The following MPHOSPH6 variants were observed in gnomAD, a reference collection of about 807,000 sequenced individuals.
The protein encoded by MPHOSPH6 is M-phase phosphoprotein 6.
MPHOSPH6 carries 25 observed loss-of-function variants against 21.8 expected under a neutral mutation model. That is an observed-to-expected ratio of 1.15 (90% CI 0.83 to 1.60). The LOEUF (loss-of-function observed/expected upper bound fraction) is 1.60. MPHOSPH6 is among the 40% of genes most tolerant of loss of function. MPHOSPH6 has a pLI of 0.00. For synonymous variants in MPHOSPH6, 84 were observed against 56.5 expected, an observed-to-expected ratio of 1.49 and a Z score of -2.18; for missense variants, 269 against 181.8, an observed-to-expected ratio of 1.48 and a Z score of -2.76.
rs76061265 is a variant in MPHOSPH6 at position 82,151,647 on chromosome 16, C to G, written c.165-133G>C. On this transcript the variant is annotated intron_variant, in intron 2 of 4. Coordinates refer to ENST00000258169, the MANE Select transcript of MPHOSPH6 (RefSeq NM_005792.2). ...AGTAAAAATACAGTAAGATTTCTAA[C>G]TTAGGGTTAAAAATAAAATCTGATT... The G allele has an allele frequency of 0.016, 20,196 of 1,262,742 alleles. 180 individuals carry two copies. Among genetic ancestry groups the G allele is most frequent in the Middle Eastern group, 0.02 (67 of 3,294 alleles). 78.2% of individuals were successfully genotyped at this position (1,262,742 alleles called of 1,614,324 possible). A position where few individuals can be genotyped will look rare whatever the true frequency, so the allele number is the denominator to read the frequency against.
Position 82,162,938 on chromosome 16 carries a change from T to G in MPHOSPH6, c.164+1144A>C, listed in dbSNP as rs1020536598. Among the ~76,000 whole-genome samples the G allele has an allele frequency of 6.7e-5, 10 of 148,786 alleles. No homozygotes were observed. In the South Asian group the frequency reaches 1.3e-3, roughly 19 times the overall value. On this transcript the variant is annotated intron_variant, in intron 2 of 4. Transcript: ENST00000258169. ...GGAAGGAACACTTTGGCAAGTTTAC[T>G]TAAGGCATAAAAGTAAATTATAGCT...
At chr16:82,164,511 T>C (rs1047347671) in intron 1 of MPHOSPH6, 13 of 237,676 alleles carry the variant, frequency 5.5e-5, no homozygotes, top group Non-Finnish European at 1.1e-4. Flanking sequence ...TGATCTGGGG[T>C]TGAAATGCCC....
rs1906738515 is a variant in MPHOSPH6, at chr16:82,165,341, G to T, written c.52-1147C>A. ...GGGGTTCACCACTTTGGCCAGGCTG[G>T]TCTCAAACTCCTGACTTTGTGATCC... On this transcript the variant is annotated intron_variant, in intron 1 of 4. Coordinates refer to ENST00000258169, the MANE Select transcript of MPHOSPH6 (RefSeq NM_005792.2). 2.6e-5 allele frequency among the ~76,000 whole-genome samples: 4 copies of T among 151,694 alleles called. No individual in the cohort carries two copies. In the South Asian group the frequency reaches 8.4e-4, roughly 32 times the overall value.
chr16:82,168,128 A>ATTTGT (rs10700667), intron 1 of MPHOSPH6, among the ~76,000 whole-genome samples: 98,513 of 151,482 alleles, frequency 0.65, 34,121 homozygotes, highest in East Asian at 0.78. Flanking sequence ...GGGGGTGGAC[A>ATTTGT]TTTAAGTTAA....
At position 82,148,850 on chromosome 16, in the gene MPHOSPH6, C is replaced by T. The variant is rs1401383088; in HGVS notation, c.364G>A (p.Val122Met). ...GCAAACTTTTTCCCAATTGTCCCCA[C>T]CAAGGTCTCATATCTGTCAAGAGGA... ...EEMARRYETLVGTIGKKFARK... is the reference protein window; with the variant it reads ...EEMARRYETLMGTIGKKFARK... The change falls in exon 5 of 5, where the codon GTG (valine) becomes ATG (methionine). Residue 122 changes from valine (V) to methionine (M), a missense_variant. By Grantham distance (21) the Val-to-Met change is conservative. Coordinates refer to ENST00000258169, the MANE Select transcript of MPHOSPH6 (RefSeq NM_005792.2). The T allele has an allele frequency of 2.5e-6, 4 of 1,613,968 alleles. No homozygotes were observed. In the African/African-American group the frequency reaches 4.0e-5, roughly 16 times the overall value.
intron 2 of MPHOSPH6, among the ~76,000 whole-genome samples, chr16:82,152,929 A>G (rs539334724): frequency 4.6e-4 from 70 of 152,290 alleles, no homozygotes; most frequent in African/African-American, 1.6e-3. Context: ...ATTAAACCAA[A>G]CTGTGTGTAT....
Position 82,151,466 on chromosome 16 carries a change from G to T in MPHOSPH6, c.213C>A (p.Leu71=), listed in dbSNP as rs764582347. ...ATCCTCTGAATGACATTCTTCCATAGAGAAGATCTTCACATAGTAAGAAAC... is the reference window on the plus strand; with the variant it reads ...ATCCTCTGAATGACATTCTTCCATATAGAAGATCTTCACATAGTAAGAAAC... ...EQSFLLCEDL[L]YGRMSFRGFN... The change falls in exon 3 of 5, where the codon CTC becomes CTA. Residue 71 remains leucine (L), a synonymous_variant. Transcript: ENST00000258169. 6.2e-7 allele frequency: 1 copy of T among 1,606,608 alleles called. No homozygotes were observed. The highest frequency in any genetic ancestry group is 8.5e-7 in the Non-Finnish European group (1 of 1,176,982).
intron 2 of MPHOSPH6, among the ~76,000 whole-genome samples, chr16:82,162,608 C>G (rs1654754001): frequency 6.6e-6 from 1 of 152,272 alleles, no homozygotes; most frequent in East Asian, 1.9e-4. Flanking sequence ...GTTGACTCTG[C>G]AAGCTCAGGT....
At chr16:82,170,020 G>A in intron 1 of MPHOSPH6, 105 bp downstream of exon 1, 3 of 1,282,970 alleles carry the variant, frequency 2.3e-6, no homozygotes, top group Non-Finnish European at 3.2e-6. Flanking sequence ...GAAGCCCTCT[G>A]AGGCCTCTCT....
At chr16:82,167,625 T>C (rs1906826317) in intron 1 of MPHOSPH6, 1 of 157,350 alleles carries the variant, frequency 6.4e-6, no homozygotes, top group Non-Finnish European at 1.4e-5. Context: ...CAATGACAGA[T>C]CATCAGGCAT....
chr16:82,155,935 G>C (rs74249006), intron 2 of MPHOSPH6, among the ~76,000 whole-genome samples: 17,864 of 151,628 alleles, frequency 0.12, 1,295 homozygotes, highest in East Asian at 0.29. Context: ...TAGGATCACA[G>C]GTTATCTATG....
At chr16:82,154,942 T>A (rs1043718939) in intron 2 of MPHOSPH6, among the ~76,000 whole-genome samples, 10 of 152,228 alleles carry the variant, frequency 6.6e-5, no homozygotes, top group African/African-American at 1.4e-4. Flanking sequence ...ATATCTTTTT[T>A]AAATATAGAT....
chr16:82,163,579 T>C (rs1192208662), intron 2 of MPHOSPH6, among the ~76,000 whole-genome samples: 1 of 152,216 alleles, frequency 6.6e-6, no homozygotes, highest in Non-Finnish European at 1.5e-5. Context: ...TAACTACAGA[T>C]GTAAAGTGTT....
Position 82,148,714 on chromosome 16 carries a change from C to G in MPHOSPH6, c.*17G>C. On this transcript the variant is annotated 3_prime_UTR_variant, in exon 5 of 5. Transcript: ENST00000258169. ...CTTCCACCAAGCACCCCTGGGCCAT[C>G]GCTTAAGGCATCCATCTTAATCCTG... 6.2e-7 allele frequency: 1 copy of G among 1,613,266 alleles called. No individual in the cohort carries two copies. The highest frequency in any genetic ancestry group is 8.5e-7 in the Non-Finnish European group (1 of 1,179,656).
At chr16:82,160,383 G>A (rs1478599927) in intron 2 of MPHOSPH6, among the ~76,000 whole-genome samples, 1 of 152,058 alleles carries the variant, frequency 6.6e-6, no homozygotes, top group Non-Finnish European at 1.5e-5. Flanking sequence ...AAATACCATG[G>A]CAAAACTCCA....
At chr16:82,169,520 T>G (rs1906901472) in intron 1 of MPHOSPH6, among the ~76,000 whole-genome samples, 1 of 152,220 alleles carries the variant, frequency 6.6e-6, no homozygotes, top group Non-Finnish European at 1.5e-5. Flanking sequence ...CCTGCAGATT[T>G]TAGACTTGCA....
intron 2 of MPHOSPH6, among the ~76,000 whole-genome samples, chr16:82,158,035 G>A (rs1310797140): frequency 6.6e-6 from 1 of 152,080 alleles, no homozygotes; most frequent in Non-Finnish European, 1.5e-5. Flanking sequence ...AGACTACCCT[G>A]GTAGTTACAT....
At chr16:82,150,595 A>G (rs6420434) in intron 3 of MPHOSPH6, among the ~76,000 whole-genome samples, 127,863 of 151,770 alleles carry the variant, frequency 0.84, 54,263 homozygotes, top group African/African-American at 0.95. Context: ...GGAACCTGTG[A>G]AAATGTCTGG....
At chr16:82,162,815 A>G (rs1264552180) in intron 2 of MPHOSPH6, among the ~76,000 whole-genome samples, 1 of 152,244 alleles carries the variant, frequency 6.6e-6, no homozygotes, top group Non-Finnish European at 1.5e-5. Context: ...ACCTTCCCAG[A>G]AAGAAATGTA....
Sources: gnomAD v4.1 joint callset for allele counts (sites outside exome capture counted in the v4.1 genomes callset) on GRCh38, gnomAD v4.1.1 for gene constraint, MANE v1.5 for transcripts, NCBI Gene and HGNC (gene_info 2026-07-23, HGNC 2026-07-21) for gene names.